The following ZSCAN25 variants were observed in gnomAD, a reference collection of about 807,000 sequenced individuals.
ZSCAN25 encodes the protein zinc finger and SCAN domain-containing protein 25.
In ZSCAN25, 27 loss-of-function variants were observed where a neutral mutation model predicts 38.7. The observed-to-expected ratio is 0.70, with a 90% CI of 0.51 to 0.96. ZSCAN25 has a LOEUF of 0.96. Among genes scored for constraint, ZSCAN25 ranks in the 40% least tolerant of loss-of-function variants. The pLI is 0.00. For synonymous variants in ZSCAN25, 273 were observed against 277.7 expected, an observed-to-expected ratio of 0.98 and a Z score of 0.17; for missense variants, 637 against 705.9, an observed-to-expected ratio of 0.90 and a Z score of 1.11.
Position 99,630,218 on chromosome 7 carries a change from C to T in ZSCAN25, c.*198C>T. 1 of 1,359,974 alleles carries T rather than the reference C, an allele frequency of 7.4e-7. No homozygotes were observed. The highest frequency in any genetic ancestry group is 2.1e-5 in the South Asian group (1 of 48,406). The allele number at this position is 1,359,974 out of a possible 1,614,324, so 84.2% of individuals were successfully genotyped here. On this transcript the variant is annotated 3_prime_UTR_variant, in exon 8 of 8. Coordinates refer to ENST00000394152, the MANE Select transcript of ZSCAN25 (RefSeq NM_145115.3). ...CATCTCTTACCCAAGTGGTGCTAAA[C>T]AATTTTTCTTCCAATGTTTGAGGGA...
chr7:99,648,353 G>A, the ZSCAN25 span: 1 of 1,611,850 alleles, frequency 6.2e-7, no homozygotes, highest in South Asian at 1.1e-5. Flanking sequence ...TTAGAACAAT[G>A]GGTTTTTCTG....
chr7:99,702,691 G>A, the ZSCAN25 span, among the ~76,000 whole-genome samples: 1 of 152,134 alleles, frequency 6.6e-6, no homozygotes, highest in Non-Finnish European at 1.5e-5. Context: ...GATTTCTCCA[G>A]TTTTGTTCTT....
the ZSCAN25 span, among the ~76,000 whole-genome samples, chr7:99,646,660 A>G: frequency 5.9e-5 from 9 of 152,284 alleles, no homozygotes; most frequent in East Asian, 5.8e-4. Context: ...GGCATCAGCT[A>G]TTTCTCTAAC....
the ZSCAN25 span, among the ~76,000 whole-genome samples, chr7:99,688,564 A>G: frequency 1.3e-5 from 2 of 152,176 alleles, no homozygotes; most frequent in African/African-American, 4.8e-5. Context: ...CTCCCACACA[A>G]TAATAATGGG....
At chr7:99,713,047 A>C in the ZSCAN25 span, among the ~76,000 whole-genome samples, 2 of 152,326 alleles carry the variant, frequency 1.3e-5, no homozygotes, top group African/African-American at 4.8e-5. Flanking sequence ...ATGGCTCCTG[A>C]TTAGGTGTTA....
At chr7:99,664,161 T>C in the ZSCAN25 span, 2 of 1,243,594 alleles carry the variant, frequency 1.6e-6, no homozygotes, top group Non-Finnish European at 1.1e-6. Flanking sequence ...GGAGCAATTA[T>C]AATTTTCTCT....
the ZSCAN25 span, among the ~76,000 whole-genome samples, chr7:99,712,257 G>A: frequency 1.3e-5 from 2 of 152,162 alleles, no homozygotes; most frequent in South Asian, 4.1e-4. Flanking sequence ...CAACAGAGCT[G>A]TGATTTACCA....
the ZSCAN25 span, among the ~76,000 whole-genome samples, chr7:99,675,860 A>C: frequency 6.7e-6 from 1 of 149,450 alleles, no homozygotes; most frequent in Non-Finnish European, 1.5e-5. Flanking sequence ...TATCATGCAC[A>C]GGTAATTTTT....
chr7:99,714,925 T>C, the ZSCAN25 span, among the ~76,000 whole-genome samples: 1 of 152,174 alleles, frequency 6.6e-6, no homozygotes, highest in African/African-American at 2.4e-5. Context: ...TTTTGAATGA[T>C]GAAAGGAACA....
intron 4 of ZSCAN25, 113 bp from the exon 5 acceptor site, chr7:99,621,260 C>T: frequency 1.0e-6 from 1 of 974,742 alleles, no homozygotes; most frequent in Non-Finnish European, 1.4e-6. Context: ...CCTTCCTCTC[C>T]CCTGAAGCTG....
Position 99,621,531 on chromosome 7 carries a change from C to G in ZSCAN25, c.546C>G (p.Leu182=). The part of the protein sequence containing the change: ...QGPDPGTEEQ[L]SQDPGDETRA... ...CAGACCCAGGTACCGAGGAGCAGCTCAGTCAGGACCCTGGAGATGAGACAC... is the reference window on the plus strand; with the variant it reads ...CAGACCCAGGTACCGAGGAGCAGCTGAGTCAGGACCCTGGAGATGAGACAC... Residue 182 remains leucine (L), a synonymous_variant, in exon 5 of 8, where the codon CTC becomes CTG. Transcript: ENST00000394152. 6 of 1,546,196 alleles carry G rather than the reference C, an allele frequency of 3.9e-6. No homozygotes were observed. Among genetic ancestry groups the G allele is most frequent in the Non-Finnish European group, 5.3e-6 (6 of 1,138,516 alleles).
the ZSCAN25 span, among the ~76,000 whole-genome samples, chr7:99,726,967 G>T: frequency 6.6e-6 from 1 of 152,110 alleles, no homozygotes. Flanking sequence ...TCCTTCCTGG[G>T]CATGGTTGGA....
At chr7:99,632,989 G>GTTGTTGTTGTTTTTTTTTTTTTT (rs1554412109), downstream of ZSCAN25, among the ~76,000 whole-genome samples, 1 of 128,528 alleles carries the variant, frequency 7.8e-6, no homozygotes, top group African/African-American at 3.0e-5. Flanking sequence ...ATTTTCTGTT[G>GTTGTTGTTGTTTTTTTTTTTTTT]TTTTTTTTTT....
At chr7:99,697,804 A>G in the ZSCAN25 span, among the ~76,000 whole-genome samples, 3 of 152,216 alleles carry the variant, frequency 2.0e-5, no homozygotes, top group South Asian at 2.1e-4. Context: ...GTTAGTGGAA[A>G]TGTGTGCACC....
chr7:99,709,014 C>G, the ZSCAN25 span: 5 of 1,613,670 alleles, frequency 3.1e-6, no homozygotes, highest in African/African-American at 1.3e-5. Flanking sequence ...AGGGAGGGCT[C>G]CCTTCCCAGG....
chr7:99,668,602 T>C, the ZSCAN25 span, among the ~76,000 whole-genome samples: 5 of 152,310 alleles, frequency 3.3e-5, no homozygotes, highest in African/African-American at 1.2e-4. Context: ...TGGACTAGTA[T>C]CCATAATTTG....
chr7:99,667,552 T>C, the ZSCAN25 span, among the ~76,000 whole-genome samples: 1 of 152,228 alleles, frequency 6.6e-6, no homozygotes, highest in Non-Finnish European at 1.5e-5. Context: ...ACTTAAAGAC[T>C]AGAAACCTGT....
the ZSCAN25 span, chr7:99,685,140 T>C: frequency 1.3e-6 from 2 of 1,590,330 alleles, no homozygotes; most frequent in Non-Finnish European, 1.7e-6. Flanking sequence ...TTAGGGAAAT[T>C]CAGGTTCCAC....
At position 99,621,467 on chromosome 7, in the gene ZSCAN25, C is replaced by T; in HGVS notation, c.482C>T (p.Pro161Leu). 6.4e-7 allele frequency: 1 copy of T among 1,574,492 alleles called. No individual in the cohort carries two copies. Among genetic ancestry groups the T allele is most frequent in the Non-Finnish European group, 8.7e-7 (1 of 1,155,692 alleles). The change falls in exon 5 of 8, where the codon CCT becomes CTT. Residue 161 changes from proline (P) to leucine (L), a missense_variant. Physicochemically the swap from Pro to Leu is moderately conservative, Grantham distance 98. Transcript: ENST00000394152. ...CAGCTGGGGCCAGTGGAGGTCAAGC[C>T]TGAATGGGGGATGCCCCCTGGGGAA... is the stretch of plus-strand genomic sequence containing the variant. ...GIQLGPVEVK[P>L]EWGMPPGEGV...
Sources: gnomAD v4.1 joint callset for allele counts (sites outside exome capture counted in the v4.1 genomes callset) on GRCh38, gnomAD v4.1.1 for gene constraint, MANE v1.5 for transcripts, NCBI Gene and HGNC (gene_info 2026-07-23, HGNC 2026-07-21) for gene names.